The following EBF1 variants were observed in gnomAD, a reference collection of about 807,000 sequenced individuals.
The protein encoded by EBF1 is transcription factor COE1.
In EBF1, 10 loss-of-function variants were observed where a neutral mutation model predicts 68.4. The observed-to-expected ratio is 0.15, with a 90% CI of 0.09 to 0.25. EBF1 has a LOEUF of 0.25. Among genes scored for constraint, EBF1 ranks in the 10% least tolerant of loss-of-function variants. EBF1 has a pLI of 1.00. For missense variants in EBF1, 509 were observed against 794.4 expected (o/e 0.64, Z 4.32); for synonymous variants, 298 against 299.8 (o/e 0.99, Z 0.06).
intron 10 of EBF1, among the ~76,000 whole-genome samples, chr5:158,751,619 T>C (rs1768920624): frequency 6.6e-6 from 1 of 152,112 alleles, no homozygotes; most frequent in Admixed American, 6.6e-5. Context: ...CTCTGGCAAA[T>C]GCTTAATCTA....
Position 158,730,530 on chromosome 5 carries a change from G to A in EBF1, c.1125+539C>T, listed in dbSNP as rs1763887223. On this transcript the variant is annotated intron_variant, in intron 11 of 15. Coordinates refer to ENST00000313708, the MANE Select transcript of EBF1 (RefSeq NM_024007.5). ...TATTTGTGCCTATTTTCCCAACCAG[G>A]TAGAATGCCTTAGGAGAAGAGAGGT... Among the ~76,000 whole-genome samples, 4 of 152,258 alleles carry A rather than the reference G, an allele frequency of 2.6e-5. No homozygotes were observed. The South Asian group carries it at 6.2e-4, about 24-fold the overall frequency.
chr5:158,779,807 T>G (rs985416759), intron 9 of EBF1, among the ~76,000 whole-genome samples: 1 of 152,186 alleles, frequency 6.6e-6, no homozygotes, highest in African/African-American at 2.4e-5. Context: ...ATAAATTGAT[T>G]AGATATGACT....
intron 6 of EBF1, among the ~76,000 whole-genome samples, chr5:158,905,565 A>G (rs1289453433): frequency 1.3e-5 from 2 of 152,216 alleles, no homozygotes; most frequent in Non-Finnish European, 2.9e-5. Flanking sequence ...ATCTTACTGA[A>G]AAATGGGCCC....
At chr5:159,033,580 C>T (rs1306737421) in intron 6 of EBF1, among the ~76,000 whole-genome samples, 5 of 152,194 alleles carry the variant, frequency 3.3e-5, no homozygotes, top group African/African-American at 1.2e-4. Context: ...AGTGAGAGCT[C>T]ATGGCAACTG....
At chr5:158,799,592 T>G (rs557129639) in intron 8 of EBF1, among the ~76,000 whole-genome samples, 6 of 152,242 alleles carry the variant, frequency 3.9e-5, no homozygotes, top group African/African-American at 1.4e-4. Flanking sequence ...TGTTAAGAAT[T>G]CACAGACCCA....
chr5:158,927,012 A>G (rs1195781931), intron 6 of EBF1, among the ~76,000 whole-genome samples: 1 of 152,218 alleles, frequency 6.6e-6, no homozygotes, highest in Non-Finnish European at 1.5e-5. Context: ...TCTTGACCCT[A>G]CCTGCCTTCA....
intron 8 of EBF1, among the ~76,000 whole-genome samples, chr5:158,799,316 G>A (rs1780153202): frequency 6.6e-6 from 1 of 152,048 alleles, no homozygotes; most frequent in South Asian, 2.1e-4. Flanking sequence ...TAGCTACTGG[G>A]GAGGCTGAGG....
chr5:158,906,785 A>G (rs1050228794), intron 6 of EBF1, among the ~76,000 whole-genome samples: 8 of 152,242 alleles, frequency 5.3e-5, no homozygotes, highest in Admixed American at 5.2e-4. Flanking sequence ...TTAGCTCTTG[A>G]TTGAATTCTA....
At chr5:158,899,934 G>A (rs890263242) in intron 6 of EBF1, among the ~76,000 whole-genome samples, 3 of 152,030 alleles carry the variant, frequency 2.0e-5, no homozygotes, top group Non-Finnish European at 2.9e-5. Flanking sequence ...ATTGCTCATC[G>A]CCCTCCCACT....
At position 158,796,380 on chromosome 5, in the gene EBF1, G is replaced by A; in HGVS notation, c.874C>T (p.Gln292Ter). Reference sequence around the variant, plus strand: ...ACCAGCATGGTACCGAATATGACCTGTAACCCATCAAAGAAATTGTCCCCT... The same window carrying A: ...ACCAGCATGGTACCGAATATGACCTATAACCCATCAAAGAAATTGTCCCCT... ...IIGDNFFDGL[Q>*]VIFGTMLVWS... Residue 292 changes from glutamine to a stop codon, truncating the protein, a stop_gained, in exon 9 of 16, where the codon CAG becomes TAG. Transcript: ENST00000313708. LOFTEE classifies it high-confidence loss of function. 1 of 1,613,628 alleles carries A rather than the reference G, an allele frequency of 6.2e-7. No homozygotes were observed. Among genetic ancestry groups the A allele is most frequent in the Non-Finnish European group, 8.5e-7 (1 of 1,179,684 alleles).
intron 6 of EBF1, among the ~76,000 whole-genome samples, chr5:158,886,079 A>C (rs1484804519): frequency 6.6e-6 from 1 of 152,198 alleles, no homozygotes; most frequent in Non-Finnish European, 1.5e-5. Context: ...CCCTTTGCCC[A>C]ACTCTTCTGT....
intron 8 of EBF1, among the ~76,000 whole-genome samples, chr5:158,819,715 A>T (rs1784449095): frequency 6.6e-6 from 1 of 152,204 alleles, no homozygotes; most frequent in South Asian, 2.1e-4. Flanking sequence ...GAGCAGTTAC[A>T]TTTTGAGGCT....
At chr5:158,771,210 T>C (rs988710179) in intron 10 of EBF1, among the ~76,000 whole-genome samples, 1 of 152,166 alleles carries the variant, frequency 6.6e-6, no homozygotes, top group African/African-American at 2.4e-5. Context: ...ATATACCCAC[T>C]ATCTGCTTTT....
chr5:158,848,531 C>A (rs898408512), intron 6 of EBF1, among the ~76,000 whole-genome samples: 1 of 152,126 alleles, frequency 6.6e-6, no homozygotes, highest in Non-Finnish European at 1.5e-5. Flanking sequence ...GTAACAGAAC[C>A]AACCCAAATA....
At chr5:159,059,376 C>T (rs75728108) in intron 6 of EBF1, among the ~76,000 whole-genome samples, 1 of 150,936 alleles carries the variant, frequency 6.6e-6, no homozygotes, top group Non-Finnish European at 1.5e-5. Context: ...AAAAAAAAAA[C>T]TAACATTTCA....
At chr5:158,942,514 C>T (rs1813656253) in intron 6 of EBF1, among the ~76,000 whole-genome samples, 1 of 152,122 alleles carries the variant, frequency 6.6e-6, no homozygotes, top group Non-Finnish European at 1.5e-5. Context: ...AAATGAGAGT[C>T]CTTATTAATA....
At chr5:158,760,920 G>A (rs955601774) in intron 10 of EBF1, among the ~76,000 whole-genome samples, 1 of 152,180 alleles carries the variant, frequency 6.6e-6, no homozygotes, top group Non-Finnish European at 1.5e-5. Flanking sequence ...GGGACAGAAT[G>A]TACTGACATG....
intron 10 of EBF1, among the ~76,000 whole-genome samples, chr5:158,740,877 C>CCCTGTGTG (rs1766211947): frequency 6.6e-6 from 1 of 152,172 alleles, no homozygotes; most frequent in African/African-American, 2.4e-5. Context: ...TACTTCAGAG[C>CCCTGTGTG]TCCTCAAACT....
At chr5:159,071,013 C>G (rs930557920) in intron 6 of EBF1, among the ~76,000 whole-genome samples, 45 of 152,172 alleles carry the variant, frequency 3.0e-4, no homozygotes, top group Non-Finnish European at 1.5e-5. Context: ...CTATTTTGCC[C>G]TTTCTTGCAT....
Sources: allele counts gnomAD v4.1 joint callset (sites outside exome capture counted in the v4.1 genomes callset), GRCh38; gene constraint gnomAD v4.1.1; transcripts MANE v1.5; gene names NCBI Gene and HGNC (gene_info 2026-07-23, HGNC 2026-07-21).